Variants in MYRIP observed in about 807,000 individuals in gnomAD.
The protein encoded by MYRIP is myosin VIIA and Rab interacting protein, also known as rab effector MyRIP.
Under a neutral mutation model 98.0 loss-of-function variants are expected in MYRIP, and 49 were observed. The observed-to-expected ratio is 0.50, with a 90% CI of 0.40 to 0.63. The LOEUF is 0.63. Among genes scored for constraint, MYRIP ranks in the 30% least tolerant of loss-of-function variants. The pLI, the probability that MYRIP is intolerant of heterozygous loss-of-function variation, is 0.00. For missense variants in MYRIP, 1,004 were observed against 1,058.2 expected, an observed-to-expected ratio of 0.95 and a Z score of 0.71; for synonymous variants, 404 against 409.5, an observed-to-expected ratio of 0.99 and a Z score of 0.16.
At chr3:40,121,849 C>T (rs1044780114) in intron 3 of MYRIP, among the ~76,000 whole-genome samples, 1 of 152,120 alleles carries the variant, frequency 6.6e-6, no homozygotes, top group African/African-American at 2.4e-5. Context: ...TCTGATAATG[C>T]CATGCTGAGC....
chr3:40,205,477 G>C (rs1172290987), intron 10 of MYRIP, among the ~76,000 whole-genome samples: 1 of 152,092 alleles, frequency 6.6e-6, no homozygotes, highest in African/African-American at 2.4e-5. Context: ...TCAAAATAAT[G>C]GTCCCATTAC....
chr3:40,152,969 A>T (rs945930075), intron 4 of MYRIP, among the ~76,000 whole-genome samples: 2 of 121,708 alleles, frequency 1.6e-5, no homozygotes, highest in Non-Finnish European at 3.6e-5. Flanking sequence ...AAAAAAAAAA[A>T]TTAGTCAGAT....
intron 15 of MYRIP, among the ~76,000 whole-genome samples, chr3:40,251,321 A>T (rs960416790): frequency 2.6e-5 from 4 of 152,244 alleles, no homozygotes; most frequent in Non-Finnish European, 5.9e-5. Flanking sequence ...ACAGATTCAC[A>T]GTCCTTTATT....
intron 2 of MYRIP, among the ~76,000 whole-genome samples, chr3:39,915,188 G>A (rs1201508043): frequency 1.3e-5 from 2 of 151,944 alleles, no homozygotes; most frequent in Non-Finnish European, 2.9e-5. Context: ...ATAAAATCTG[G>A]CTCGTCCTCC....
At chr3:39,906,433 T>C (rs372950422) in intron 2 of MYRIP, among the ~76,000 whole-genome samples, 9 of 152,276 alleles carry the variant, frequency 5.9e-5, no homozygotes, top group African/African-American at 1.9e-4. Context: ...TCTCTGCTTC[T>C]AGTGTTCCTC....
In MYRIP at chr3:40,188,889, C is replaced by T. The variant is rs926777688; in HGVS notation, c.1028-937C>T. ...TCATCTTACTCCCACCCCACAGACA[C>T]GTGGGAAGAAAGCATTTTCCTATTC... On this transcript the variant is annotated intron_variant, in intron 9 of 16. Coordinates refer to ENST00000302541, the MANE Select transcript of MYRIP (RefSeq NM_015460.4). Among the ~76,000 whole-genome samples, 11 of 152,292 alleles carry T rather than the reference C, an allele frequency of 7.2e-5. No individual in the cohort carries two copies. In the East Asian group the frequency reaches 7.7e-4, roughly 11 times the overall value.
At chr3:39,870,596 A>G (rs1037312172) in intron 1 of MYRIP, among the ~76,000 whole-genome samples, 2 of 152,016 alleles carry the variant, frequency 1.3e-5, no homozygotes, top group Admixed American at 6.6e-5. Context: ...TTCACTTAGC[A>G]TTCATGTTTT....
chr3:39,956,584 C>A (rs950600734), intron 2 of MYRIP, among the ~76,000 whole-genome samples: 1 of 152,186 alleles, frequency 6.6e-6, no homozygotes, highest in South Asian at 2.1e-4. Context: ...CAGGAAAGAT[C>A]TAAAATGGAC....
In MYRIP at chr3:40,083,315, T is replaced by C. The variant is rs17075433; in HGVS notation, c.332+39044T>C. On this transcript the variant is annotated intron_variant, in intron 3 of 16. Transcript: ENST00000302541. ...TGGCATTATAGTTCCTCTTGAAGGATTGGGGAGCTGGTTAGACAAAGGTAG... is the reference window on the plus strand; with the variant it reads ...TGGCATTATAGTTCCTCTTGAAGGACTGGGGAGCTGGTTAGACAAAGGTAG... Among the ~76,000 whole-genome samples, 660 of 152,272 alleles carry C rather than the reference T, an allele frequency of 4.3e-3. 8 individuals carry two copies. Among genetic ancestry groups the C allele is most frequent in the African/African-American group, 0.015 (622 of 41,550 alleles).
At chr3:40,129,920 A>G (rs141525849) in intron 3 of MYRIP, among the ~76,000 whole-genome samples, 2 of 152,208 alleles carry the variant, frequency 1.3e-5, no homozygotes, top group Admixed American at 6.5e-5. Context: ...GAGAATACAC[A>G]TGTTTACAAA....
chr3:39,979,669 CA>C (rs1298087638), intron 2 of MYRIP, among the ~76,000 whole-genome samples: 2 of 137,520 alleles, frequency 1.5e-5, no homozygotes, highest in Non-Finnish European at 3.2e-5. Context: ...AAAAAAAAAA[CA>C]AAAAAAAACT....
chr3:39,844,071 G>A lies in MYRIP; in HGVS notation c.-31+34155G>A, dbSNP rs372849692. 1.4e-3 allele frequency among the ~76,000 whole-genome samples: 207 copies of A among 152,296 alleles called. 5 individuals are homozygous for A. In the South Asian group the frequency reaches 0.041, roughly 30 times the overall value. ...AGCTTCCTCTGCAGAGAGTGTTCGA[G>A]CTTCCACATAGGCATTCAAATAACA... On this transcript the variant is annotated intron_variant, in intron 1 of 16. Transcript: ENST00000302541.
At chr3:39,940,105 C>T (rs1206408247) in intron 2 of MYRIP, among the ~76,000 whole-genome samples, 5 of 151,976 alleles carry the variant, frequency 3.3e-5, no homozygotes, top group Non-Finnish European at 5.9e-5. Context: ...TGTTAAGGTA[C>T]ATATTTTTAT....
intron 3 of MYRIP, among the ~76,000 whole-genome samples, chr3:40,073,186 T>C (rs1280476421): frequency 6.6e-6 from 1 of 152,198 alleles, no homozygotes; most frequent in Non-Finnish European, 1.5e-5. Context: ...AGATTGAACC[T>C]AATGTTACCA....
chr3:40,014,538 C>T (rs1946820543), intron 2 of MYRIP, among the ~76,000 whole-genome samples: 1 of 152,156 alleles, frequency 6.6e-6, no homozygotes, highest in Non-Finnish European at 1.5e-5. Flanking sequence ...CTTGGACCCA[C>T]ACCAGAGTCC....
At chr3:40,017,751 T>A (rs1480786458) in intron 2 of MYRIP, among the ~76,000 whole-genome samples, 1 of 150,912 alleles carries the variant, frequency 6.6e-6, no homozygotes, top group African/African-American at 2.4e-5. Flanking sequence ...GGAACTGACT[T>A]ACTCCGGAAA....
intron 2 of MYRIP, among the ~76,000 whole-genome samples, chr3:40,000,055 A>G (rs9813029): frequency 0.096 from 14,344 of 148,774 alleles, 1,268 homozygotes; most frequent in African/African-American, 0.22. Context: ...AGGGATAACA[A>G]TAGGAAATAT....
chr3:39,871,173 T>G (rs1430567861), intron 1 of MYRIP, among the ~76,000 whole-genome samples: 1 of 152,206 alleles, frequency 6.6e-6, no homozygotes, highest in African/African-American at 2.4e-5. Flanking sequence ...AGAGGCAGAT[T>G]GTATTTAGAA....
At chr3:39,815,487 C>T (rs1412181572) in intron 1 of MYRIP, among the ~76,000 whole-genome samples, 1 of 151,918 alleles carries the variant, frequency 6.6e-6, no homozygotes, top group Non-Finnish European at 1.5e-5. Context: ...AGTTTTATTG[C>T]TCTTGTGAAT....
Sources: allele counts gnomAD v4.1 joint callset (sites outside exome capture counted in the v4.1 genomes callset), GRCh38; gene constraint gnomAD v4.1.1; transcripts MANE v1.5; gene names NCBI Gene and HGNC (gene_info 2026-07-23, HGNC 2026-07-21).